SNAP25: variants seen among roughly 807,000 people sequenced by gnomAD.
SNAP25 encodes the protein synaptosomal-associated protein 25.
Under a neutral mutation model 28.7 loss-of-function variants are expected in SNAP25, and 3 were observed. The ratio of observed to expected loss-of-function variants is 0.10; its 90% CI spans 0.05 to 0.27. The LOEUF is 0.27. Ranked by LOEUF, SNAP25 falls within the 10% of genes least tolerant of loss-of-function variation. The pLI is 1.00. For missense variants in SNAP25, 117 were observed against 278.7 expected (o/e 0.42, Z 4.13); for synonymous variants, 61 against 88.1 (o/e 0.69, Z 1.72).
chr20:10,281,809 C>T (rs989803440), intron 3 of SNAP25, among the ~76,000 whole-genome samples: 2 of 152,150 alleles, frequency 1.3e-5, no homozygotes, highest in African/African-American at 2.4e-5. Flanking sequence ...CCTGAACTCA[C>T]GGAGGCGTCA....
intron 1 of SNAP25, among the ~76,000 whole-genome samples, chr20:10,258,549 C>T (rs1005455836): frequency 3.3e-5 from 5 of 152,182 alleles, no homozygotes; most frequent in African/African-American, 4.8e-5. Flanking sequence ...TCAGAACATG[C>T]GCTCTGTGTG....
At chr20:10,295,004 G>A (rs1273502699) in intron 5 of SNAP25, among the ~76,000 whole-genome samples, 2 of 152,212 alleles carry the variant, frequency 1.3e-5, no homozygotes, top group African/African-American at 4.8e-5. Flanking sequence ...ATGAAATGAT[G>A]GCTCCTACGA....
intron 1 of SNAP25, among the ~76,000 whole-genome samples, chr20:10,266,090 C>T (rs896606945): frequency 1.3e-5 from 2 of 152,078 alleles, no homozygotes; most frequent in Non-Finnish European, 2.9e-5. Flanking sequence ...AACAGTTGTG[C>T]GGCATAGAAT....
chr20:10,285,936 C>A (rs2063868867), intron 4 of SNAP25, among the ~76,000 whole-genome samples: 1 of 152,148 alleles, frequency 6.6e-6, no homozygotes, highest in Non-Finnish European at 1.5e-5. Flanking sequence ...ACAGAAACTC[C>A]TATTCCACAG....
chr20:10,295,594 G>T (rs1381158945), intron 5 of SNAP25, among the ~76,000 whole-genome samples: 1 of 152,044 alleles, frequency 6.6e-6, no homozygotes, highest in African/African-American at 2.4e-5. Context: ...AGGGTTGCTT[G>T]GCCCCCAGTC....
In SNAP25 at chr20:10,293,812, C is replaced by CTATTG. The variant is rs2064049274; in HGVS notation, c.281+534_281+535insTATTG. ...TTTGTCAATAGATGCTGCCACTGCA[C>CTATTG]CCAACACAGAGGCAATGAGCTCTTC... is the stretch of plus-strand genomic sequence containing the variant. On this transcript the variant is annotated intron_variant, in intron 5 of 7. Transcript: ENST00000254976. This position sits in a 1 kb window ranked among gnomAD's most constrained non-coding sequence, Gnocchi z 5.6. Among the ~76,000 whole-genome samples, 1 of 152,176 alleles carries CTATTG rather than the reference C, an allele frequency of 6.6e-6. No individual in the cohort carries two copies. The highest frequency in any genetic ancestry group is 6.5e-5 in the Admixed American group (1 of 15,278).
intron 1 of SNAP25, among the ~76,000 whole-genome samples, chr20:10,255,506 G>C (rs1048718443): frequency 6.6e-6 from 1 of 152,160 alleles, no homozygotes; most frequent in African/African-American, 2.4e-5. Flanking sequence ...GGGTTCTGGG[G>C]TGGGAATTCA....
chr20:10,290,571 A>G (rs2063974456), intron 4 of SNAP25, among the ~76,000 whole-genome samples: 1 of 151,888 alleles, frequency 6.6e-6, no homozygotes, highest in African/African-American at 2.4e-5. Flanking sequence ...CAATTCACAT[A>G]TATATGTTAC....
At chr20:10,224,257 CTTTTTTTTTTTTTTTTTTTTT>C (rs71332917) in intron 1 of SNAP25, among the ~76,000 whole-genome samples, 3 of 17,420 alleles carry the variant, frequency 1.7e-4, no homozygotes, top group South Asian at 4.2e-3. Flanking sequence ...ATGTACATGT[CTTTTTTTTTTTTTTTTTTTTT>C]TTTTTTTTTT....
At chr20:10,266,661 G>T (rs2063511424) in intron 1 of SNAP25, among the ~76,000 whole-genome samples, 2 of 152,138 alleles carry the variant, frequency 1.3e-5, no homozygotes, top group African/African-American at 2.4e-5. Flanking sequence ...GTAGAACAGG[G>T]TTATGGTAGC....
intron 3 of SNAP25, among the ~76,000 whole-genome samples, chr20:10,282,461 C>T (rs1019768540): frequency 2.2e-4 from 33 of 152,176 alleles, no homozygotes; most frequent in African/African-American, 7.7e-4. Flanking sequence ...ACTGGGGCAA[C>T]CTAAAAAACT....
chr20:10,288,817 A>G (rs2063935785), intron 4 of SNAP25, among the ~76,000 whole-genome samples: 1 of 150,340 alleles, frequency 6.7e-6, no homozygotes, highest in Non-Finnish European at 1.5e-5. Flanking sequence ...ATAGGAACTT[A>G]GGACCTTTTT....
intron 4 of SNAP25, chr20:10,292,822 T>C (rs547645121): frequency 3.0e-6 from 3 of 989,402 alleles, no homozygotes; most frequent in Non-Finnish European, 4.6e-6. Flanking sequence ...TCATTTCTCA[T>C]GTTCTGTTGG....
intron 1 of SNAP25, among the ~76,000 whole-genome samples, chr20:10,223,414 G>A (rs1291992672): frequency 6.6e-6 from 1 of 152,176 alleles, no homozygotes; most frequent in East Asian, 1.9e-4. Flanking sequence ...TTTCATTTCT[G>A]GCTATAAGGT....
intron 1 of SNAP25, among the ~76,000 whole-genome samples, chr20:10,247,851 C>A (rs941077578): frequency 6.6e-6 from 1 of 152,234 alleles, no homozygotes; most frequent in Non-Finnish European, 1.5e-5. Context: ...AACTTAGAGG[C>A]TTCAAACAAC....
At chr20:10,281,775 G>A (rs1482352578) in intron 3 of SNAP25, among the ~76,000 whole-genome samples, 2 of 152,184 alleles carry the variant, frequency 1.3e-5, no homozygotes, top group African/African-American at 4.8e-5. Context: ...TAAATGGATT[G>A]AGATTCTACT....
intron 1 of SNAP25, among the ~76,000 whole-genome samples, chr20:10,269,139 A>C (rs547047134): frequency 3.9e-5 from 6 of 152,318 alleles, no homozygotes; most frequent in South Asian, 4.1e-4. Flanking sequence ...AGTCCGGCGC[A>C]GTGTCTCACG....
chr20:10,232,930 A>C (rs8122103), intron 1 of SNAP25, among the ~76,000 whole-genome samples: 2,061 of 152,284 alleles, frequency 0.014, 42 homozygotes, highest in African/African-American at 0.047. Flanking sequence ...CCAGCACTTG[A>C]TCCCTTTATT....
chr20:10,260,714 CACACACACAA>C (rs773816473), intron 1 of SNAP25, among the ~76,000 whole-genome samples: 6 of 93,712 alleles, frequency 6.4e-5, no homozygotes, highest in Non-Finnish European at 1.4e-4. Flanking sequence ...CACACACACA[CACACACACAA>C]ACACACACAC....
Sources: allele counts gnomAD v4.1 joint callset (sites outside exome capture counted in the v4.1 genomes callset), GRCh38; gene constraint gnomAD v4.1.1; non-coding constraint Gnocchi (gnomAD v3.1); transcripts MANE v1.5; gene names NCBI Gene and HGNC (gene_info 2026-07-23, HGNC 2026-07-21).